GRIP2: variants seen among roughly 807,000 people sequenced by gnomAD.
The protein encoded by GRIP2 is glutamate receptor interacting protein 2.
GRIP2 carries 58 observed loss-of-function variants against 108.3 expected under a neutral mutation model. That is an observed-to-expected ratio of 0.54 (90% CI 0.43 to 0.67). The LOEUF (loss-of-function observed/expected upper bound fraction) is 0.67, where lower values mean the gene tolerates loss of function less well. Among genes scored for constraint, GRIP2 ranks in the 30% least tolerant of loss-of-function variants. GRIP2 has a pLI of 0.00. For synonymous variants in GRIP2, 586 were observed against 598.2 expected (o/e 0.98, Z 0.30); for missense variants, 1,278 against 1,430.6 (o/e 0.89, Z 1.72).
upstream of GRIP2, chr3:14,540,470 G>A: frequency 1.3e-6 from 2 of 1,504,876 alleles, no homozygotes; most frequent in Non-Finnish European, 1.8e-6. The surrounding 1 kb of genome is among the most constrained non-coding windows in gnomAD (Gnocchi z 4.1). Flanking sequence ...TGCTTAAAGG[G>A]GACATGGCTA....
At position 14,507,065 on chromosome 3, in the gene GRIP2, C is replaced by G; in HGVS notation, c.2219-85G>C. ...TCTGCATTTCAGCCTGGTCTGGAAA[C>G]TCACAGGCAGTAAGCCCTTCTGAGC... is the stretch of plus-strand genomic sequence containing the variant. On this transcript the variant is annotated intron_variant, in intron 18 of 23. Transcript: ENST00000621039. The surrounding 1 kb of genome is among the most constrained non-coding windows in gnomAD (Gnocchi z 4.6). 1 of 1,316,678 alleles carries G rather than the reference C, an allele frequency of 7.6e-7. No individual in the cohort carries two copies. The highest frequency in any genetic ancestry group is 1.0e-6 in the Non-Finnish European group (1 of 955,190). 81.6% of individuals were successfully genotyped at this position (1,316,678 alleles called of 1,614,324 possible). A position where few individuals can be genotyped will look rare whatever the true frequency, so the allele number is the denominator to read the frequency against.
intron 9 of GRIP2, among the ~76,000 whole-genome samples, chr3:14,519,173 C>T (rs1694338766): frequency 6.6e-6 from 1 of 152,146 alleles, no homozygotes; most frequent in Non-Finnish European, 1.5e-5. Context: ...CAGACCAGTC[C>T]CTGGACTGTG....
chr3:14,507,675 G>C lies in GRIP2; in HGVS notation c.2104C>G (p.Arg702Gly), dbSNP rs763855418. 21 of 1,613,816 alleles carry C rather than the reference G, an allele frequency of 1.3e-5. No individual in the cohort carries two copies. Among genetic ancestry groups the C allele is most frequent in the Non-Finnish European group, 1.7e-5 (20 of 1,179,876 alleles). ...ERTGAIHVGDRILAINNVSLK... is the reference protein window; with the variant it reads ...ERTGAIHVGDGILAINNVSLK... ...CTAACGTTGTTGATGGCCAGAATGC[G>C]GTCCCCCACGTGGATGGCACCAGTC... Residue 702 changes from arginine (R) to glycine (G), a missense_variant, in exon 18 of 24, where the codon CGC (arginine) becomes GGC (glycine). Arg to Gly is a moderately radical substitution (Grantham distance 125, BLOSUM62 -2). Coordinates refer to ENST00000621039, the MANE Select transcript of GRIP2 (RefSeq NM_001080423.4). This position sits in a 1 kb window ranked among gnomAD's most constrained non-coding sequence, Gnocchi z 4.6.
chr3:14,511,824 T>C lies in GRIP2; in HGVS notation c.1721-345A>G, dbSNP rs1288284838. Reference sequence around the variant, plus strand: ...GAGCTCTTTGTGGAGGGGGGCTGTCTGCTTGGTGTCTGTGTCCCCAGCACC... The same window carrying C: ...GAGCTCTTTGTGGAGGGGGGCTGTCCGCTTGGTGTCTGTGTCCCCAGCACC... On this transcript the variant is annotated intron_variant, in intron 14 of 23. Transcript: ENST00000621039. This position sits in a 1 kb window ranked among gnomAD's most constrained non-coding sequence, Gnocchi z 4.1. Among the ~76,000 whole-genome samples, 1 of 152,184 alleles carries C rather than the reference T, an allele frequency of 6.6e-6. No homozygotes were observed. Among genetic ancestry groups the C allele is most frequent in the Non-Finnish European group, 1.5e-5 (1 of 68,034 alleles).
the GRIP2 span, among the ~76,000 whole-genome samples, chr3:14,575,424 T>C: frequency 3.3e-5 from 5 of 152,134 alleles, no homozygotes; most frequent in African/African-American, 1.2e-4. Flanking sequence ...CAGCCTCAAA[T>C]GGGTGGATCC....
In GRIP2 at chr3:14,494,877, C is replaced by T. The variant is rs200074867; in HGVS notation, c.2936G>A (p.Arg979His). The T allele has an allele frequency of 1.9e-4, 305 of 1,613,702 alleles. 2 individuals are homozygous for T. Among genetic ancestry groups the T allele is most frequent in the Non-Finnish European group, 2.1e-4 (248 of 1,179,800 alleles). The part of the protein sequence containing the change: ...HTVRPDGPAH[R>H]GGLQPFDRVL... ...CCTGTCGAAGGGCTGGAGGCCTCCA[C>T]GGTGGGCTGGCCCATCAGGGCGCAC... is the stretch of plus-strand genomic sequence containing the variant. The change falls in exon 23 of 24, where the codon CGT becomes CAT. Residue 979 changes from arginine (R) to histidine (H), a missense_variant. Transcript: ENST00000621039.
Position 14,509,907 on chromosome 3 carries a change from C to T in GRIP2, c.1991G>A (p.Gly664Asp). ...SYTVELKRYG[G>D]PLGITISGTE... ...GCCCGAAATGGTGATGCCCAGGGGA[C>T]CCCCGTAGCGCTTCAGCTCCACTGT... Residue 664 changes from glycine to aspartate, a missense_variant, in exon 17 of 24, where the codon GGT (glycine) becomes GAT (aspartate). Gly to Asp is a moderately conservative substitution (Grantham distance 94). Transcript: ENST00000621039. 1 of 1,550,014 alleles carries T rather than the reference C, an allele frequency of 6.5e-7. No individual in the cohort carries two copies. Among genetic ancestry groups the T allele is most frequent in the Non-Finnish European group, 8.7e-7 (1 of 1,147,126 alleles).
Position 14,523,907 on chromosome 3 carries a change from G to C in GRIP2, c.404-209C>G, listed in dbSNP as rs1482329657. 1.2e-5 allele frequency: 7 copies of C among 571,360 alleles called. No homozygotes were observed. In the Admixed American group the frequency reaches 1.8e-4, roughly 15 times the overall value. 35.4% of individuals were successfully genotyped at this position (571,360 alleles called of 1,614,324 possible). A position where few individuals can be genotyped will look rare whatever the true frequency, so the allele number is the denominator to read the frequency against. On this transcript the variant is annotated intron_variant, in intron 4 of 23. Coordinates refer to ENST00000621039, the MANE Select transcript of GRIP2 (RefSeq NM_001080423.4). Reference sequence around the variant, plus strand: ...TAGCCCACCACTGAGAGAGAGGAAAGGGCCTGCCCATGCTCACAGAGACGA... The same window carrying C: ...TAGCCCACCACTGAGAGAGAGGAAACGGCCTGCCCATGCTCACAGAGACGA...
the GRIP2 span, among the ~76,000 whole-genome samples, chr3:14,591,251 G>A: frequency 6.6e-6 from 1 of 152,060 alleles, no homozygotes; most frequent in African/African-American, 2.4e-5. Context: ...AGAATTCCAC[G>A]CTCCTTCCCT....
At position 14,505,815 on chromosome 3, in the gene GRIP2, G is replaced by C; in HGVS notation, c.2399-26C>G. The C allele has an allele frequency of 6.7e-7, 1 of 1,487,312 alleles. No individual in the cohort carries two copies. The highest frequency in any genetic ancestry group is 1.4e-5 in the South Asian group (1 of 71,582). The allele number at this position is 1,487,312 out of a possible 1,614,324, so 92.1% of individuals were successfully genotyped here. A position where few individuals can be genotyped will look rare whatever the true frequency, so the allele number is the denominator to read the frequency against. ...CTGGTGGTGGAGAGAGGGCCTCTGT[G>C]TTCCCTGCGGCCTCACCTTGCCCTC... On this transcript the variant is annotated intron_variant, in intron 19 of 23. Transcript: ENST00000621039. The surrounding 1 kb of genome is among the most constrained non-coding windows in gnomAD (Gnocchi z 4.2).
At chr3:14,545,054 C>A (rs549030414), upstream of GRIP2, among the ~76,000 whole-genome samples, 1 of 152,202 alleles carries the variant, frequency 6.6e-6, no homozygotes, top group Non-Finnish European at 1.5e-5. Flanking sequence ...CAGGAAAACA[C>A]GCAAGGCCAC....
In GRIP2 at chr3:14,491,425, C is replaced by G. The variant is rs1701333111; in HGVS notation, c.*2240G>C. The G allele has an allele frequency of 6.6e-6, 1 of 152,254 alleles. No homozygotes were observed. Among genetic ancestry groups the G allele is most frequent in the Admixed American group, 6.5e-5 (1 of 15,280 alleles). The allele number at this position is 152,254 out of a possible 1,614,324, so 9.4% of individuals were successfully genotyped here. ...AGGGCAGGTGGAAGGGGACATGTCA[C>G]AGGGGCTGTTCCCAAAATGCATAGG... is the stretch of plus-strand genomic sequence containing the variant. On this transcript the variant is annotated 3_prime_UTR_variant, in exon 24 of 24. Coordinates refer to ENST00000621039, the MANE Select transcript of GRIP2 (RefSeq NM_001080423.4).
chr3:14,547,023 T>G (rs1171905678), upstream of GRIP2, among the ~76,000 whole-genome samples: 1 of 152,086 alleles, frequency 6.6e-6, no homozygotes, highest in Non-Finnish European at 1.5e-5. Context: ...AGAATGTTGG[T>G]AAAGGTGACC....
At chr3:14,599,213 T>C in the GRIP2 span, among the ~76,000 whole-genome samples, 1 of 152,262 alleles carries the variant, frequency 6.6e-6, no homozygotes, top group Non-Finnish European at 1.5e-5. Flanking sequence ...AGTTGTTTCC[T>C]TCTTGCTGCA....
At chr3:14,508,950 T>C (rs1412028927) in intron 17 of GRIP2, among the ~76,000 whole-genome samples, 1 of 152,188 alleles carries the variant, frequency 6.6e-6, no homozygotes. Flanking sequence ...GAGGGTTGTC[T>C]GTACAGCCCC....
chr3:14,573,163 G>T, the GRIP2 span: 1 of 1,435,644 alleles, frequency 7.0e-7, no homozygotes. Flanking sequence ...ACCACAGCCA[G>T]CAGCTTGAAG....
upstream of GRIP2, among the ~76,000 whole-genome samples, chr3:14,541,597 G>A (rs1302281612): frequency 1.3e-5 from 2 of 152,188 alleles, no homozygotes; most frequent in South Asian, 2.1e-4. Context: ...AATAATCCAG[G>A]TTCTAAATCT....
chr3:14,529,114 C>CAA (rs35039738), intron 1 of GRIP2, among the ~76,000 whole-genome samples: 1 of 132,328 alleles, frequency 7.6e-6, no homozygotes, highest in South Asian at 2.3e-4. Context: ...ACTAAAAATA[C>CAA]AAAAAAAAAA....
At chr3:14,539,168 C>G (rs1041953154) in intron 1 of GRIP2, among the ~76,000 whole-genome samples, 1 of 152,202 alleles carries the variant, frequency 6.6e-6, no homozygotes, top group Non-Finnish European at 1.5e-5. Context: ...GTTTCCCCAA[C>G]TGCAAAATGG....
Sources: allele counts gnomAD v4.1 joint callset (sites outside exome capture counted in the v4.1 genomes callset), GRCh38; gene constraint gnomAD v4.1.1; non-coding constraint Gnocchi (gnomAD v3.1); transcripts MANE v1.5; gene names NCBI Gene and HGNC (gene_info 2026-07-23, HGNC 2026-07-21).